ATP10B: variants seen among roughly 807,000 people sequenced by gnomAD.
ATP10B encodes ATPase phospholipid transporting 10B (putative).
Under a neutral mutation model 141.2 loss-of-function variants are expected in ATP10B, and 122 were observed. That is an observed-to-expected ratio of 0.86 (90% CI 0.75 to 1.00). ATP10B has a LOEUF of 1.00. ATP10B is among the 50% of genes least tolerant of loss of function. The probability of loss-of-function intolerance (pLI) is 0.00; values close to 1 mark genes in which losing one functional copy is unlikely to be tolerated. For synonymous variants in ATP10B, 685 were observed against 692.0 expected (o/e 0.99, Z 0.16); for missense variants, 1,876 against 1,825.3 (o/e 1.03, Z -0.51).
intron 1 of ATP10B, among the ~76,000 whole-genome samples, chr5:160,823,614 TG>T (rs1433045984): frequency 1.3e-5 from 2 of 152,178 alleles, no homozygotes; most frequent in African/African-American, 4.8e-5. Flanking sequence ...CCCAACACTT[TG>T]GGAGGCCGAG....
At chr5:160,774,540 C>A (rs542094664) in intron 2 of ATP10B, among the ~76,000 whole-genome samples, 1 of 152,260 alleles carries the variant, frequency 6.6e-6, no homozygotes, top group East Asian at 1.9e-4. Context: ...ATGTGCTTTG[C>A]CAGATTTGGC....
At chr5:160,889,765 A>AT in the ATP10B span, among the ~76,000 whole-genome samples, 2 of 152,098 alleles carry the variant, frequency 1.3e-5, no homozygotes, top group African/African-American at 4.8e-5. Flanking sequence ...TAGAACCAAA[A>AT]TCCTGAATAG....
At chr5:160,686,353 G>T (rs941945301) in intron 5 of ATP10B, 80 bp from the exon 6 acceptor site, 1 of 1,137,582 alleles carries the variant, frequency 8.8e-7, no homozygotes, top group Non-Finnish European at 1.2e-6. Flanking sequence ...CCTACTGTTT[G>T]GCCTTGATCA....
intron 7 of ATP10B, among the ~76,000 whole-genome samples, chr5:160,656,408 C>A (rs1761493268): frequency 6.6e-6 from 1 of 152,170 alleles, no homozygotes; most frequent in African/African-American, 2.4e-5. Flanking sequence ...TTAAGTAATT[C>A]CTGCTACCAA....
chr5:160,706,094 C>G (rs1440584749), intron 3 of ATP10B, among the ~76,000 whole-genome samples: 1 of 152,204 alleles, frequency 6.6e-6, no homozygotes, highest in Non-Finnish European at 1.5e-5. Flanking sequence ...TGCCACCTTA[C>G]ATGAGTGTGG....
intron 22 of ATP10B, among the ~76,000 whole-genome samples, chr5:160,592,133 TGGCTTCTCA>T (rs1445945848): frequency 6.6e-6 from 1 of 152,102 alleles, no homozygotes; most frequent in Non-Finnish European, 1.5e-5. Flanking sequence ...TGCCACCTGA[TGGCTTCTCA>T]GGCCTGCCTT....
the ATP10B span, among the ~76,000 whole-genome samples, chr5:160,859,350 G>C: frequency 6.6e-6 from 1 of 151,782 alleles, no homozygotes; most frequent in Non-Finnish European, 1.5e-5. Context: ...TCTAAGGTAA[G>C]CCATTATTCT....
At position 160,652,947 on chromosome 5, in the gene ATP10B, A is replaced by AATATATTGTATATACATGTAT. The variant is rs1561702310; in HGVS notation, c.676-3692_676-3691insATACATGTATATACAATATAT. 5.0e-3 allele frequency among the ~76,000 whole-genome samples: 421 copies of AATATATTGTATATACATGTAT among 84,238 alleles called. 35 individuals are homozygous for AATATATTGTATATACATGTAT. The highest frequency in any genetic ancestry group is 0.02 in the African/African-American group (372 of 18,692). The allele number at this position is 84,238 out of a possible 152,430, so 55.3% of individuals were successfully genotyped here. ...ATATATTATATATACATGTATATAT[A>AATATATTGTATATACATGTAT]ATATATTATATATACATGTATATAT... On this transcript the variant is annotated intron_variant, in intron 7 of 25. Coordinates refer to ENST00000327245, the MANE Select transcript of ATP10B (RefSeq NM_025153.3).
intron 2 of ATP10B, among the ~76,000 whole-genome samples, chr5:160,777,013 C>G (rs1052153842): frequency 6.6e-6 from 1 of 152,170 alleles, no homozygotes; most frequent in African/African-American, 2.4e-5. Flanking sequence ...AACGTAAAGG[C>G]AGGTGCCTGA....
chr5:160,766,749 TAA>T (rs1769467133), intron 2 of ATP10B, among the ~76,000 whole-genome samples: 1 of 152,132 alleles, frequency 6.6e-6, no homozygotes, highest in African/African-American at 2.4e-5. Context: ...AATAATAATT[TAA>T]AAAAGTTAGA....
At chr5:160,839,743 T>C (rs940648046) in intron 1 of ATP10B, among the ~76,000 whole-genome samples, 3 of 152,054 alleles carry the variant, frequency 2.0e-5, no homozygotes, top group Admixed American at 6.6e-5. Flanking sequence ...ATATCTAAAA[T>C]ATAGCAGTTT....
intron 7 of ATP10B, 83 bp downstream of exon 7, chr5:160,670,380 G>A (rs1173261734): frequency 7.3e-7 from 1 of 1,376,238 alleles, no homozygotes; most frequent in Non-Finnish European, 1.0e-6. Context: ...CCTCTACCCA[G>A]TAGGTTTAGT....
upstream of ATP10B, among the ~76,000 whole-genome samples, chr5:160,856,208 G>A (rs1026750401): frequency 1.3e-5 from 2 of 151,798 alleles, no homozygotes; most frequent in Non-Finnish European, 2.9e-5. Context: ...AATGGACATA[G>A]TGTGTCTCTT....
chr5:160,726,225 C>A (rs1766347563), intron 2 of ATP10B, among the ~76,000 whole-genome samples: 1 of 152,126 alleles, frequency 6.6e-6, no homozygotes, highest in Non-Finnish European at 1.5e-5. Flanking sequence ...ATTGTTTGCT[C>A]ACACCAGGGA....
intron 7 of ATP10B, among the ~76,000 whole-genome samples, chr5:160,654,698 G>A (rs1204653864): frequency 6.7e-6 from 1 of 149,540 alleles, no homozygotes; most frequent in Admixed American, 6.6e-5. Context: ...AGTCATTGTC[G>A]TCATCGTCAT....
At chr5:160,657,307 A>T (rs1420658551) in intron 7 of ATP10B, among the ~76,000 whole-genome samples, 1 of 152,196 alleles carries the variant, frequency 6.6e-6, no homozygotes, top group Admixed American at 6.5e-5. Context: ...TGAGAATCCT[A>T]TCTGAAAACT....
intron 2 of ATP10B, among the ~76,000 whole-genome samples, chr5:160,728,172 CA>C (rs1405724303): frequency 1.3e-5 from 2 of 151,988 alleles, no homozygotes; most frequent in Non-Finnish European, 2.9e-5. Flanking sequence ...ACTAAAGTCT[CA>C]CAAGAATGTA....
the ATP10B span, among the ~76,000 whole-genome samples, chr5:160,906,999 T>G: frequency 2.0e-5 from 3 of 152,186 alleles, no homozygotes; most frequent in Non-Finnish European, 4.4e-5. Flanking sequence ...TTGTGGCCAC[T>G]CAGGCTCCAC....
At chr5:160,841,414 A>G (rs1296029402) in intron 1 of ATP10B, among the ~76,000 whole-genome samples, 1 of 152,204 alleles carries the variant, frequency 6.6e-6, no homozygotes, top group Admixed American at 6.5e-5. Context: ...GAAGTCAATG[A>G]CAAGAACAAC....
Sources: allele counts gnomAD v4.1 joint callset (sites outside exome capture counted in the v4.1 genomes callset), GRCh38; gene constraint gnomAD v4.1.1; transcripts MANE v1.5; gene names NCBI Gene and HGNC (gene_info 2026-07-23, HGNC 2026-07-21).